Variants in ZSCAN31 observed in about 807,000 individuals in gnomAD.
ZSCAN31 encodes the protein zinc finger and SCAN domain-containing protein 31.
In ZSCAN31, 14 loss-of-function variants were observed where a neutral mutation model predicts 22.5. That is an observed-to-expected ratio of 0.62 (90% CI 0.41 to 0.97). The LOEUF (loss-of-function observed/expected upper bound fraction) is 0.97. ZSCAN31 is among the 50% of genes least tolerant of loss of function. ZSCAN31 has a pLI of 0.00. For missense variants in ZSCAN31, 424 were observed against 483.4 expected, an observed-to-expected ratio of 0.88 and a Z score of 1.15; for synonymous variants, 168 against 169.8, an observed-to-expected ratio of 0.99 and a Z score of 0.08.
intron 2 of ZSCAN31, among the ~76,000 whole-genome samples, chr6:28,342,605 T>C (rs1764457589): frequency 6.6e-6 from 1 of 152,236 alleles, no homozygotes; most frequent in African/African-American, 2.4e-5. Flanking sequence ...AGGAATCTGA[T>C]ATATAAAGTT....
chr6:28,326,695 G>A lies in ZSCAN31; in HGVS notation c.692C>T (p.Ala231Val), dbSNP rs779611575. The stretch of plus-strand genomic sequence containing the variant: ...GTGGCGTCTCTCTCCAGTGGAATGT[G>A]CCTGCTGCTTTTCTGCCTTGCTGTC... ...KRDSKAEKQQ[A>V]HSTGERRHRC... The change falls in exon 4 of 4, where the codon GCA becomes GTA. Residue 231 changes from alanine to valine, a missense_variant. Ala to Val is a moderately conservative substitution (Grantham distance 64, BLOSUM62 0). Transcript: ENST00000344279. 3 of 1,614,138 alleles carry A rather than the reference G, an allele frequency of 1.9e-6. No homozygotes were observed. The highest frequency in any genetic ancestry group is 1.7e-5 in the Admixed American group (1 of 60,010).
intron 1 of ZSCAN31, chr6:28,332,164 G>A (rs1316820426): frequency 1.3e-5 from 2 of 152,102 alleles, no homozygotes; most frequent in Non-Finnish European, 2.9e-5. Context: ...GGATGTATAT[G>A]CATTACCCTG....
upstream of ZSCAN31, chr6:28,337,777 TAAGTC>T (rs1764250410): frequency 6.6e-6 from 1 of 152,122 alleles, no homozygotes. Flanking sequence ...AATGGAGACT[TAAGTC>T]AGGTGTAATA....
At chr6:28,335,616 A>C (rs1394818023) in intron 1 of ZSCAN31, among the ~76,000 whole-genome samples, 1 of 152,158 alleles carries the variant, frequency 6.6e-6, no homozygotes, top group Non-Finnish European at 1.5e-5. Context: ...GCTAAGCAGC[A>C]GCTATGAATC....
In ZSCAN31 at chr6:28,347,588, TA is replaced by T. The variant is rs1428465906; in HGVS notation, c.-370-5797del. On this transcript the variant is annotated intron_variant, in intron 2 of 7. Transcript: ENST00000396838. The surrounding 1 kb of genome is among the most constrained non-coding windows in gnomAD (Gnocchi z 5.2). ...TTTGTTTGTTTTTGTTTATTATTAT[TA>T]TTTTTTTGGCTCAGTCTCCCCTGGA... Among the ~76,000 whole-genome samples, 3 of 152,314 alleles carry T rather than the reference TA, an allele frequency of 2.0e-5. No homozygotes were observed. Among genetic ancestry groups the T allele is most frequent in the African/African-American group, 7.2e-5 (3 of 41,572 alleles).
chr6:28,333,170 TCCACAC>T lies in ZSCAN31; in HGVS notation c.-96+2906_-96+2911del, dbSNP rs1262794441. On this transcript the variant is annotated intron_variant, in intron 1 of 3. Coordinates refer to ENST00000344279, the MANE Select transcript of ZSCAN31 (RefSeq NM_030899.5). The surrounding 1 kb of genome is among the most constrained non-coding windows in gnomAD (Gnocchi z 4.1). ...TTCATTCCAGGACCTGCAGTGGACT[TCCACAC>T]TCATGAAAGGGAGACAGAAAAATAA... Among the ~76,000 whole-genome samples, 1,212 of 152,226 alleles carry T rather than the reference TCCACAC, an allele frequency of 8.0e-3. 20 individuals are homozygous for T. Among genetic ancestry groups the T allele is most frequent in the African/African-American group, 0.026 (1,092 of 41,524 alleles).
upstream of ZSCAN31, among the ~76,000 whole-genome samples, chr6:28,340,970 A>T (rs2108926): frequency 0.41 from 61,747 of 152,092 alleles, 15,731 homozygotes; most frequent in African/African-American, 0.72. Flanking sequence ...TTTTTCAGCT[A>T]TCATTTAATA....
At chr6:28,350,591 T>C (rs1257043988) in intron 2 of ZSCAN31, among the ~76,000 whole-genome samples, 1 of 152,210 alleles carries the variant, frequency 6.6e-6, no homozygotes, top group Non-Finnish European at 1.5e-5. Flanking sequence ...TTGTGAGGAT[T>C]GAATGCATTC....
chr6:28,350,821 A>G (rs1335088307), intron 2 of ZSCAN31, among the ~76,000 whole-genome samples: 1 of 152,198 alleles, frequency 6.6e-6, no homozygotes, highest in Non-Finnish European at 1.5e-5. Flanking sequence ...GCAAAGACCA[A>G]AACTGGTTTG....
At chr6:28,343,992 G>A (rs1168130198) in intron 2 of ZSCAN31, among the ~76,000 whole-genome samples, 2 of 152,152 alleles carry the variant, frequency 1.3e-5, no homozygotes, top group African/African-American at 4.8e-5. Flanking sequence ...CAGGGGCTAT[G>A]TTATCTCTCC....
chr6:28,345,987 G>T (rs143309720), intron 2 of ZSCAN31, among the ~76,000 whole-genome samples: 1 of 152,320 alleles, frequency 6.6e-6, no homozygotes, highest in Non-Finnish European at 1.5e-5. Context: ...GGTAGAAGTA[G>T]CTCTGAATTC....
rs1252461662 is a variant in ZSCAN31 at position 28,331,556 on chromosome 6, T to C, written c.-95-1778A>G. ...TTGAGAATTTGAAGAGTTACAAAGA[T>C]CATGGCATTTATTCTTTGTCAATGT... On this transcript the variant is annotated intron_variant, in intron 1 of 3. Transcript: ENST00000344279. This position sits in a 1 kb window ranked among gnomAD's most constrained non-coding sequence, Gnocchi z 4.8. Among the ~76,000 whole-genome samples the C allele has an allele frequency of 6.6e-6, 1 of 152,206 alleles. No individual in the cohort carries two copies. The highest frequency in any genetic ancestry group is 1.5e-5 in the Non-Finnish European group (1 of 68,038).
At chr6:28,338,438 AT>A (rs1243514836), upstream of ZSCAN31, among the ~76,000 whole-genome samples, 3 of 151,854 alleles carry the variant, frequency 2.0e-5, no homozygotes, top group Admixed American at 6.6e-5. Context: ...TCACATTACA[AT>A]TTTTTTTGTA....
intron 2 of ZSCAN31, among the ~76,000 whole-genome samples, chr6:28,346,925 T>C (rs1317102836): frequency 6.6e-6 from 1 of 152,240 alleles, no homozygotes; most frequent in Non-Finnish European, 1.5e-5. Context: ...AGAATAATTC[T>C]GGAATAGTTA....
intron 2 of ZSCAN31, among the ~76,000 whole-genome samples, chr6:28,348,992 A>T (rs919638730): frequency 3.6e-5 from 5 of 138,674 alleles, no homozygotes; most frequent in Admixed American, 1.5e-4. Context: ...ACATAGGTGT[A>T]TATACATGTC....
chr6:28,338,066 T>G (rs547676641), upstream of ZSCAN31, among the ~76,000 whole-genome samples: 28 of 135,630 alleles, frequency 2.1e-4, no homozygotes, highest in East Asian at 4.6e-4. Context: ...AATAAATAAA[T>G]AAAGAAGGAA....
Position 28,346,650 on chromosome 6 carries a change from C to T in ZSCAN31, c.-370-4858G>A, listed in dbSNP as rs1172436475. On this transcript the variant is annotated intron_variant, in intron 2 of 7. Transcript: ENST00000396838. ...GGGATTACAGGTGTGAGGCACGGCA[C>T]TCAGCCTCCTTGGTACAGTCTTTAT... Among the ~76,000 whole-genome samples the T allele has an allele frequency of 2.0e-5, 3 of 152,120 alleles. No homozygotes were observed. The East Asian group carries it at 5.8e-4, about 29-fold the overall frequency.
At chr6:28,339,580 G>A (rs1268806303), upstream of ZSCAN31, among the ~76,000 whole-genome samples, 2 of 152,162 alleles carry the variant, frequency 1.3e-5, no homozygotes. Context: ...GAGCCACCAC[G>A]CCTAGCCTCC....
upstream of ZSCAN31, among the ~76,000 whole-genome samples, chr6:28,337,356 A>G (rs1442744467): frequency 6.6e-6 from 1 of 152,190 alleles, no homozygotes; most frequent in East Asian, 1.9e-4. Flanking sequence ...CAGTCTGATC[A>G]AATTTACATC....
Sources: allele counts gnomAD v4.1 joint callset (sites outside exome capture counted in the v4.1 genomes callset), GRCh38; gene constraint gnomAD v4.1.1; non-coding constraint Gnocchi (gnomAD v3.1); transcripts MANE v1.5; gene names NCBI Gene and HGNC (gene_info 2026-07-23, HGNC 2026-07-21).